ARSB: variants seen among roughly 807,000 people sequenced by gnomAD.
ARSB encodes the protein N-acetylgalactosamine-4-sulfatase.
A neutral mutation model predicts 50.9 loss-of-function variants in ARSB; 41 were observed. The ratio of observed to expected loss-of-function variants is 0.81; its 90% CI spans 0.63 to 1.04. ARSB has a LOEUF of 1.04. Among genes scored for constraint, ARSB ranks in the 50% least tolerant of loss-of-function variants. The pLI, the probability that ARSB is intolerant of heterozygous loss-of-function variation, is 0.00. For missense variants in ARSB, 672 were observed against 693.3 expected (o/e 0.97, Z 0.35); for synonymous variants, 269 against 284.8 (o/e 0.94, Z 0.56).
rs768354763 is a variant in ARSB at position 78,985,118 on chromosome 5, G to C, written c.131C>G (p.Pro44Arg). ...PPGSGAGASRPPHLVFLLADD... is the reference protein window; with the variant it reads ...PPGSGAGASRRPHLVFLLADD... ...TGCCAGCAAGAAGACCAGGTGGGGCGGCCGGCTGGCCCCGGCGCCCGAGCC... is the reference window on the plus strand; with the variant it reads ...TGCCAGCAAGAAGACCAGGTGGGGCCGCCGGCTGGCCCCGGCGCCCGAGCC... The change falls in exon 1 of 8, where the codon CCG (proline) becomes CGG (arginine). Residue 44 changes from proline (P) to arginine (R), a missense_variant. Physicochemically the swap from Pro to Arg is moderately radical, Grantham distance 103 (BLOSUM62 -2). Coordinates refer to ENST00000264914, the MANE Select transcript of ARSB (RefSeq NM_000046.5). 3.4e-6 allele frequency: 5 copies of C among 1,491,216 alleles called. No individual in the cohort carries two copies. In the South Asian group the frequency reaches 6.5e-5, roughly 19 times the overall value. 92.4% of individuals were successfully genotyped at this position (1,491,216 alleles called of 1,614,324 possible).
chr5:78,797,169 C>T (rs1474311560), intron 6 of ARSB, among the ~76,000 whole-genome samples: 1 of 152,124 alleles, frequency 6.6e-6, no homozygotes, highest in African/African-American at 2.4e-5. Flanking sequence ...TGAGCCACCG[C>T]GCCCGGCAGG....
intron 6 of ARSB, among the ~76,000 whole-genome samples, chr5:78,804,008 G>A (rs1743481502): frequency 6.6e-6 from 1 of 152,196 alleles, no homozygotes; most frequent in African/African-American, 2.4e-5. Flanking sequence ...GCCAGACAGG[G>A]CCCCTGGCAG....
chr5:78,891,403 T>C (rs1325248750), intron 4 of ARSB, among the ~76,000 whole-genome samples: 2 of 152,106 alleles, frequency 1.3e-5, no homozygotes, highest in African/African-American at 4.8e-5. Context: ...AGAGGGTTGA[T>C]TGGGAGCATT....
intron 4 of ARSB, among the ~76,000 whole-genome samples, chr5:78,918,491 T>C (rs1431594752): frequency 6.6e-6 from 1 of 152,136 alleles, no homozygotes; most frequent in Non-Finnish European, 1.5e-5. Flanking sequence ...TTTTCTCTAT[T>C]GCTAACAACT....
At position 78,840,377 on chromosome 5, in the gene ARSB, G is replaced by A. The variant is rs75006437; in HGVS notation, c.1143-951C>T. ...ACGTAACCAAGACATGGTTTCAGGTGTCCCAGTGTCCACACGCCAAACTCA... is the reference window on the plus strand; with the variant it reads ...ACGTAACCAAGACATGGTTTCAGGTATCCCAGTGTCCACACGCCAAACTCA... On this transcript the variant is annotated intron_variant, in intron 5 of 7. Transcript: ENST00000264914. 2.1e-3 allele frequency among the ~76,000 whole-genome samples: 316 copies of A among 152,324 alleles called. 2 individuals are homozygous for A. The highest frequency in any genetic ancestry group is 5.9e-3 in the African/African-American group (246 of 41,580).
intron 3 of ARSB, among the ~76,000 whole-genome samples, chr5:78,962,443 G>A (rs1752027328): frequency 6.6e-6 from 1 of 151,930 alleles, no homozygotes; most frequent in Admixed American, 6.6e-5. Context: ...CAAGATATCA[G>A]CATAGGAGAG....
intron 4 of ARSB, among the ~76,000 whole-genome samples, chr5:78,903,642 A>G (rs1328990500): frequency 6.6e-6 from 1 of 152,216 alleles, no homozygotes; most frequent in Non-Finnish European, 1.5e-5. Flanking sequence ...TGCCTGGCAT[A>G]TGAAACACAA....
chr5:78,793,642 T>C (rs1441496247), intron 6 of ARSB, among the ~76,000 whole-genome samples: 3 of 152,162 alleles, frequency 2.0e-5, no homozygotes, highest in Admixed American at 6.5e-5. Flanking sequence ...CCAAACTAAA[T>C]TGATTTACTT....
chr5:78,813,954 G>A lies in ARSB; in HGVS notation c.1213+25402C>T, dbSNP rs117908441. ...CAAAATTGTTTGAGTGAAAGAAAAA[G>A]AACTATAAAACACAAGTACCAAACA... is the stretch of plus-strand genomic sequence containing the variant. On this transcript the variant is annotated intron_variant, in intron 6 of 7. Coordinates refer to ENST00000264914, the MANE Select transcript of ARSB (RefSeq NM_000046.5). Among the ~76,000 whole-genome samples, 71 of 152,206 alleles carry A rather than the reference G, an allele frequency of 4.7e-4. No homozygotes were observed. In the East Asian group the frequency reaches 0.013, roughly 28 times the overall value.
At chr5:78,871,290 T>G (rs1482550230) in intron 5 of ARSB, among the ~76,000 whole-genome samples, 1 of 152,198 alleles carries the variant, frequency 6.6e-6, no homozygotes, top group Non-Finnish European at 1.5e-5. Flanking sequence ...ACCAATGACT[T>G]TCTTCACAGA....
At chr5:78,911,778 C>G (rs59667357) in intron 4 of ARSB, among the ~76,000 whole-genome samples, 2,575 of 151,976 alleles carry the variant, frequency 0.017, 77 homozygotes, top group African/African-American at 0.06. Context: ...GATTTTAATT[C>G]CCATGACTGG....
At chr5:78,816,263 C>T in intron 6 of ARSB, 1 of 1,498,560 alleles carries the variant, frequency 6.7e-7, no homozygotes, top group Non-Finnish European at 9.1e-7. Context: ...CTTCATTATT[C>T]TAGTGCCTAA....
rs1406489188 is a variant in ARSB, at chr5:78,897,224, CA to C, written c.899-11398del. On this transcript the variant is annotated intron_variant, in intron 4 of 7. Transcript: ENST00000264914. ...GCTTTTAATCTTCATGACTAACCAG[CA>C]GGATATTTTGTAAGTTGTACAGGAC... Among the ~76,000 whole-genome samples, 28 of 152,284 alleles carry C rather than the reference CA, an allele frequency of 1.8e-4. No homozygotes were observed. In the East Asian group the frequency reaches 5.2e-3, roughly 28 times the overall value.
chr5:78,935,569 T>C (rs1750538778), intron 4 of ARSB, among the ~76,000 whole-genome samples: 1 of 152,078 alleles, frequency 6.6e-6, no homozygotes, highest in Non-Finnish European at 1.5e-5. Flanking sequence ...GCAAATAGCC[T>C]GATGAGAGTA....
intron 6 of ARSB, among the ~76,000 whole-genome samples, chr5:78,784,941 G>A (rs1431138784): frequency 1.3e-5 from 2 of 151,884 alleles, no homozygotes; most frequent in Non-Finnish European, 2.9e-5. Context: ...TGGGATTACA[G>A]GTGCATGCCA....
At chr5:78,784,595 C>A (rs918168751) in intron 6 of ARSB, among the ~76,000 whole-genome samples, 3 of 152,070 alleles carry the variant, frequency 2.0e-5, no homozygotes, top group African/African-American at 4.8e-5. Flanking sequence ...CCATTTAGAT[C>A]TTCTATTTCT....
chr5:78,952,573 G>A (rs1751533651), intron 4 of ARSB, among the ~76,000 whole-genome samples: 2 of 152,120 alleles, frequency 1.3e-5, no homozygotes, highest in Admixed American at 1.3e-4. Flanking sequence ...CTGAACTCAA[G>A]TGACCTGCCT....
chr5:78,948,897 T>C (rs1239443413), intron 4 of ARSB, among the ~76,000 whole-genome samples: 1 of 152,230 alleles, frequency 6.6e-6, no homozygotes, highest in Non-Finnish European at 1.5e-5. Context: ...GAATTCTTGT[T>C]AAAAATGGAG....
chr5:78,984,718 C>G (rs1753071259), intron 1 of ARSB, among the ~76,000 whole-genome samples: 2 of 152,008 alleles, frequency 1.3e-5, no homozygotes, highest in South Asian at 4.1e-4. Flanking sequence ...GGCCGGGGCG[C>G]GGGTCCGCGG....
Sources: gnomAD v4.1 joint callset for allele counts (sites outside exome capture counted in the v4.1 genomes callset) on GRCh38, gnomAD v4.1.1 for gene constraint, MANE v1.5 for transcripts, NCBI Gene and HGNC (gene_info 2026-07-23, HGNC 2026-07-21) for gene names.